The following RTTN variants were observed in gnomAD, a reference collection of about 807,000 sequenced individuals.
The protein encoded by RTTN is rotatin.
A neutral mutation model predicts 269.2 loss-of-function variants in RTTN; 182 were observed. The ratio of observed to expected loss-of-function variants is 0.68; its 90% confidence interval spans 0.60 to 0.76. The LOEUF is 0.76. RTTN is among the 30% of genes least tolerant of loss of function. The pLI is 0.00. For missense variants in RTTN, 2,545 were observed against 2,608.6 expected (o/e 0.98, Z 0.53); for synonymous variants, 1,006 against 963.5 (o/e 1.04, Z -0.82).
At position 70,150,475 on chromosome 18, in the gene RTTN, A is replaced by G. The variant is rs78448243; in HGVS notation, c.2055+133T>C. 5,111 of 784,968 alleles carry G rather than the reference A, an allele frequency of 6.5e-3. 149 individuals are homozygous for G. In the East Asian group the frequency reaches 0.079, roughly 12 times the overall value. 48.6% of individuals were successfully genotyped at this position (784,968 alleles called of 1,614,324 possible). A position where few individuals can be genotyped will look rare whatever the true frequency, so the allele number is the denominator to read the frequency against. ...TTATTTTTATTTAAATAACACTTCA[A>G]CTGAACCAATGCACCAAAGACAGGT... On this transcript the variant is annotated intron_variant, in intron 15 of 48. Transcript: ENST00000640769.
intron 21 of RTTN, among the ~76,000 whole-genome samples, chr18:70,139,179 C>A (rs2060197362): frequency 6.6e-6 from 1 of 152,140 alleles, no homozygotes; most frequent in African/African-American, 2.4e-5. Context: ...ACAGGTTGAG[C>A]CTATACTCTT....
chr18:70,092,043 G>T, intron 30 of RTTN, 67 bp downstream of exon 30: 3 of 983,756 alleles, frequency 3.0e-6, no homozygotes, highest in Non-Finnish European at 3.2e-6. Context: ...ATGAGCCACC[G>T]CACCTGGCCC....
chr18:70,008,705 A>G (rs2046766850), intron 46 of RTTN: 1 of 150,390 alleles, frequency 6.6e-6, no homozygotes, highest in South Asian at 2.1e-4. Flanking sequence ...ACAAGATTAG[A>G]GAAAAAAAAA....
chr18:70,114,299 AAAC>A, intron 27 of RTTN, 143 bp downstream of exon 27: 1 of 839,722 alleles, frequency 1.2e-6, no homozygotes. Flanking sequence ...AAACAAAAAC[AAAC>A]AGAACACTAT....
intron 32 of RTTN, among the ~76,000 whole-genome samples, chr18:70,085,297 C>T (rs969801682): frequency 2.0e-5 from 3 of 152,054 alleles, no homozygotes; most frequent in Non-Finnish European, 4.4e-5. Context: ...AAAGAAATTA[C>T]GAGCAAATTA....
At chr18:70,048,281 G>A in intron 39 of RTTN, 93 bp from the exon 40 acceptor site, 2 of 1,136,590 alleles carry the variant, frequency 1.8e-6, no homozygotes, top group Non-Finnish European at 2.5e-6. Context: ...CTATACTCTG[G>A]ATCATCTAGA....
intron 35 of RTTN, among the ~76,000 whole-genome samples, chr18:70,060,244 G>C (rs75863545): frequency 7.8e-4 from 118 of 152,248 alleles, no homozygotes; most frequent in Non-Finnish European, 1.4e-3. Flanking sequence ...CACCATGTGT[G>C]GATGTAGATG....
At chr18:70,076,865 C>T (rs1599412432) in intron 32 of RTTN, among the ~76,000 whole-genome samples, 2 of 150,670 alleles carry the variant, frequency 1.3e-5, no homozygotes, top group East Asian at 3.9e-4. Flanking sequence ...CCCTTTAATA[C>T]ATTACCTTAT....
intron 5 of RTTN, 35 bp downstream of exon 5, chr18:70,199,379 A>C (rs751666391): frequency 6.9e-7 from 1 of 1,447,654 alleles, no homozygotes; most frequent in Non-Finnish European, 9.7e-7. Context: ...ACTATAAGTG[A>C]ACAAAAATAC....
chr18:70,020,098 A>C (rs1488524024), intron 45 of RTTN, among the ~76,000 whole-genome samples: 2 of 152,200 alleles, frequency 1.3e-5, no homozygotes, highest in African/African-American at 4.8e-5. Flanking sequence ...ATCCCTTTTA[A>C]ATTACCTTAA....
intron 40 of RTTN, among the ~76,000 whole-genome samples, chr18:70,046,737 C>T (rs914684256): frequency 6.6e-6 from 1 of 152,178 alleles, no homozygotes; most frequent in African/African-American, 2.4e-5. Context: ...TTGAGGAACG[C>T]TTCTCCCCTA....
Position 70,109,689 on chromosome 18 carries a change from G to C in RTTN, c.3712C>G (p.Gln1238Glu). The change falls in exon 28 of 49, where the codon CAA becomes GAA. Residue 1238 changes from glutamine to glutamate, a missense_variant. Physicochemically the swap from Gln to Glu is conservative, Grantham distance 29. Transcript: ENST00000640769. ...AGCAGTTTCAGAGCCAGCTGCGTTT[G>C]AAAAACGTAAAGAAGTTCCGAGCAT... ...RKCSELLYVF[Q>E]TQLALKLLQC... 19 of 1,614,082 alleles carry C rather than the reference G, an allele frequency of 1.2e-5. No individual in the cohort carries two copies. The highest frequency in any genetic ancestry group is 1.6e-5 in the Non-Finnish European group (19 of 1,180,022).
At chr18:70,113,864 C>A (rs548068597) in intron 27 of RTTN, among the ~76,000 whole-genome samples, 1 of 152,200 alleles carries the variant, frequency 6.6e-6, no homozygotes, top group South Asian at 2.1e-4. Context: ...AGAAAGAAGA[C>A]TAGTGGCTGC....
intron 20 of RTTN, 113 bp from the exon 21 acceptor site, chr18:70,139,829 G>A (rs1331546553): frequency 8.5e-6 from 6 of 709,868 alleles, no homozygotes; most frequent in Non-Finnish European, 1.5e-5. Flanking sequence ...AAAATTATCT[G>A]AAACTAAAAT....
At chr18:70,158,201 G>T (rs1285472528) in intron 14 of RTTN, among the ~76,000 whole-genome samples, 3 of 152,020 alleles carry the variant, frequency 2.0e-5, no homozygotes, top group Non-Finnish European at 4.4e-5. Context: ...AAGCTAGAAA[G>T]AAAGAGCAGG....
intron 7 of RTTN, among the ~76,000 whole-genome samples, chr18:70,196,254 T>C (rs1258495447): frequency 1.3e-5 from 2 of 151,240 alleles, no homozygotes; most frequent in African/African-American, 4.9e-5. Flanking sequence ...TCTGCAAGTT[T>C]GGGAGAAAAA....
chr18:70,097,972 T>G (rs905838719), intron 28 of RTTN, among the ~76,000 whole-genome samples: 12 of 152,202 alleles, frequency 7.9e-5, no homozygotes, highest in African/African-American at 2.9e-4. Context: ...ATTCCTGATT[T>G]CAAAGAGTAA....
intron 4 of RTTN, among the ~76,000 whole-genome samples, 190 bp downstream of exon 4, chr18:70,201,704 T>C (rs901757538): frequency 1.3e-5 from 2 of 151,596 alleles, no homozygotes; most frequent in Non-Finnish European, 2.9e-5. Flanking sequence ...TCAAATATGG[T>C]TAGAATAACA....
chr18:70,032,901 T>C (rs2057059187), intron 40 of RTTN, among the ~76,000 whole-genome samples: 1 of 152,216 alleles, frequency 6.6e-6, no homozygotes, highest in Admixed American at 6.5e-5. Flanking sequence ...ACATGGCACA[T>C]ACTCTAAAAT....
Sources: allele counts gnomAD v4.1 joint callset (sites outside exome capture counted in the v4.1 genomes callset), GRCh38; gene constraint gnomAD v4.1.1; transcripts MANE v1.5; gene names NCBI Gene and HGNC (gene_info 2026-07-23, HGNC 2026-07-21).